Variants in WDR19 observed in about 807,000 individuals in gnomAD.
The protein encoded by WDR19 is WD repeat-containing protein 19.
A neutral mutation model predicts 180.0 loss-of-function variants in WDR19; 121 were observed. The ratio of observed to expected loss-of-function variants is 0.67; its 90% CI spans 0.58 to 0.78. The LOEUF (loss-of-function observed/expected upper bound fraction) is 0.78. WDR19 is among the 30% of genes least tolerant of loss of function. The probability of loss-of-function intolerance (pLI) is 0.00; values close to 1 mark genes in which losing one functional copy is unlikely to be tolerated. For synonymous variants in WDR19, 497 were observed against 540.7 expected, an observed-to-expected ratio of 0.92 and a Z score of 1.12; for missense variants, 1,450 against 1,640.7, an observed-to-expected ratio of 0.88 and a Z score of 2.01.
Position 39,228,622 on chromosome 4 carries a change from CA to C in WDR19, c.1915del (p.Ser639AlafsTer3). ...NIYLSTHGFL[S>X]NLKDTGPDEL... ...TCTACCTTAGCACCCATGGCTTTCT[CA>C]GCAACTTAAAAGATACGGGGCCTGA... On this transcript the variant is annotated frameshift_variant, in exon 17 of 37. Transcript: ENST00000399820. LOFTEE classifies it high-confidence loss of function. 3 of 1,613,390 alleles carry C rather than the reference CA, an allele frequency of 1.9e-6. No homozygotes were observed. The highest frequency in any genetic ancestry group is 2.5e-6 in the Non-Finnish European group (3 of 1,179,580).
intron 9 of WDR19, among the ~76,000 whole-genome samples, chr4:39,208,303 ATTTTT>A (rs34189923): frequency 1.9e-5 from 2 of 103,392 alleles, no homozygotes; most frequent in Non-Finnish European, 2.1e-5. Context: ...GACTGAGTGG[ATTTTT>A]TTTTTTTTTT....
rs369976473 is a variant in WDR19 at position 39,199,446 on chromosome 4, A to T, written c.407-32A>T. On this transcript the variant is annotated intron_variant, in intron 5 of 36. Coordinates refer to ENST00000399820, the MANE Select transcript of WDR19 (RefSeq NM_025132.4). ...ACAGATTTTTTTCTTTGAGAAATCC[A>T]CATGTCTGTATAAAAATAATCTCTT... 1.1e-5 allele frequency: 17 copies of T among 1,554,966 alleles called. No homozygotes were observed. In the African/African-American group the frequency reaches 2.3e-4, roughly 21 times the overall value.
chr4:39,214,576 TTAA>T (rs763094366), intron 9 of WDR19, 22 bp from the exon 10 acceptor site: 1 of 1,361,182 alleles, frequency 7.3e-7, no homozygotes, highest in Non-Finnish European at 1.0e-6. Context: ...TATATATTTT[TTAA>T]TAATGCATTT....
chr4:39,199,696 T>A, intron 6 of WDR19, 103 bp downstream of exon 6: 1 of 889,916 alleles, frequency 1.1e-6, no homozygotes, highest in Non-Finnish European at 1.8e-6. Flanking sequence ...AATCTATATG[T>A]GAGGTATATA....
chr4:39,281,387 T>C (rs953226473), intron 36 of WDR19, among the ~76,000 whole-genome samples: 22 of 151,892 alleles, frequency 1.4e-4, no homozygotes, highest in Non-Finnish European at 2.9e-5. Flanking sequence ...TCCCCTCAAC[T>C]GGATATAAAA....
chr4:39,269,531 G>A (rs919512700), intron 30 of WDR19, among the ~76,000 whole-genome samples: 1 of 152,212 alleles, frequency 6.6e-6, no homozygotes, highest in Non-Finnish European at 1.5e-5. Context: ...CAACTGGCTA[G>A]ATGTTCATAA....
intron 4 of WDR19, among the ~76,000 whole-genome samples, chr4:39,190,494 C>G (rs1040461707): frequency 6.6e-6 from 1 of 152,198 alleles, no homozygotes; most frequent in Non-Finnish European, 1.5e-5. Flanking sequence ...TGCTTAACCC[C>G]TCTCCAAGCC....
intron 4 of WDR19, among the ~76,000 whole-genome samples, chr4:39,190,438 G>C (rs889315862): frequency 6.6e-6 from 1 of 152,204 alleles, no homozygotes; most frequent in African/African-American, 2.4e-5. Context: ...AGAAAAACTT[G>C]TCAGCATTTC....
At chr4:39,227,000 C>G (rs1730336140) in intron 15 of WDR19, among the ~76,000 whole-genome samples, 1 of 152,124 alleles carries the variant, frequency 6.6e-6, no homozygotes, top group Non-Finnish European at 1.5e-5. Context: ...GCGATTCTGA[C>G]TGGTGTGCAA....
intron 2 of WDR19, among the ~76,000 whole-genome samples, 163 bp downstream of exon 2, chr4:39,185,980 C>G (rs1017120460): frequency 6.6e-6 from 1 of 151,526 alleles, no homozygotes; most frequent in East Asian, 1.9e-4. Context: ...GCTGCAACCT[C>G]CGCCTCCCAG....
chr4:39,231,093 T>C lies in WDR19; in HGVS notation c.1983-704T>C, dbSNP rs369634933. ...CTGGGAGGCCGAGGCGGGCGGATCA[T>C]GAGGTCAGCAGATCAAGACCATCCT... On this transcript the variant is annotated intron_variant, in intron 17 of 36. Coordinates refer to ENST00000399820, the MANE Select transcript of WDR19 (RefSeq NM_025132.4). 1.3e-4 allele frequency among the ~76,000 whole-genome samples: 20 copies of C among 151,936 alleles called. No homozygotes were observed. In the East Asian group the frequency reaches 2.5e-3, roughly 19 times the overall value.
intron 14 of WDR19, among the ~76,000 whole-genome samples, chr4:39,219,400 C>A (rs546859902): frequency 1.3e-4 from 20 of 152,150 alleles, no homozygotes; most frequent in African/African-American, 4.6e-4. Context: ...CATAGTCCAT[C>A]GCCAACCGAA....
At chr4:39,272,935 C>G in intron 31 of WDR19, 45 bp from the exon 32 acceptor site, 1 of 1,457,136 alleles carries the variant, frequency 6.9e-7, no homozygotes, top group Non-Finnish European at 9.3e-7. Flanking sequence ...TGAATTGGGG[C>G]TAATCAATGA....
At chr4:39,182,856 C>G (rs1725088104) in intron 1 of WDR19, among the ~76,000 whole-genome samples, 1 of 152,132 alleles carries the variant, frequency 6.6e-6, no homozygotes, top group Non-Finnish European at 1.5e-5. Flanking sequence ...AATGAGCGGA[C>G]TGGATCTAAA....
At chr4:39,203,605 G>T in intron 6 of WDR19, 37 bp from the exon 7 acceptor site, 1 of 1,504,712 alleles carries the variant, frequency 6.6e-7, no homozygotes, top group East Asian at 2.3e-5. Flanking sequence ...TTTAAATATT[G>T]GGTTTGTTCA....
intron 33 of WDR19, among the ~76,000 whole-genome samples, chr4:39,276,540 G>A (rs771667020): frequency 2.7e-4 from 41 of 152,118 alleles, no homozygotes; most frequent in Admixed American, 7.2e-4. Flanking sequence ...TTAGTTCTTC[G>A]CACTACCCGT....
chr4:39,280,119 G>T lies in WDR19; in HGVS notation c.*13+1456G>T, dbSNP rs79539300. On this transcript the variant is annotated intron_variant, in intron 36 of 36. Transcript: ENST00000399820. The stretch of plus-strand genomic sequence containing the variant: ...TTTGTGGGTTTTTTTCCCTTTTCTT[G>T]TTTTTTTTTTTTTTTTTTTTTTAAT... 7.3e-3 allele frequency among the ~76,000 whole-genome samples: 393 copies of T among 53,660 alleles called. 1 individual carries two copies. Among genetic ancestry groups the T allele is most frequent in the Admixed American group, 0.012 (39 of 3,358 alleles). The allele number at this position is 53,660 out of a possible 152,430, so 35.2% of individuals were successfully genotyped here. A position where few individuals can be genotyped will look rare whatever the true frequency, so the allele number is the denominator to read the frequency against.
chr4:39,278,664 G>A lies in WDR19; in HGVS notation c.*13+1G>A, dbSNP rs752449477. 1 of 1,593,180 alleles carries A rather than the reference G, an allele frequency of 6.3e-7. No individual in the cohort carries two copies. The highest frequency in any genetic ancestry group is 8.6e-7 in the Non-Finnish European group (1 of 1,164,432). On this transcript the variant is annotated splice_donor_variant, in intron 36 of 36. Transcript: ENST00000399820. LOFTEE classifies it low-confidence loss of function (3UTR_SPLICE). ...GAGGAACTGTGATTGGCACGTGCAG[G>A]TGAGTGGCAGAGCGCCCACGCACCT...
intron 6 of WDR19, among the ~76,000 whole-genome samples, chr4:39,201,286 A>C (rs1344482592): frequency 6.6e-6 from 1 of 152,178 alleles, no homozygotes; most frequent in Non-Finnish European, 1.5e-5. Flanking sequence ...AAAGAGAAGA[A>C]ATAGAGTGTA....
Sources: gnomAD v4.1 joint callset for allele counts (sites outside exome capture counted in the v4.1 genomes callset) on GRCh38, gnomAD v4.1.1 for gene constraint, MANE v1.5 for transcripts, NCBI Gene and HGNC (gene_info 2026-07-23, HGNC 2026-07-21) for gene names.